The following BTBD9 variants were observed in gnomAD, a reference collection of about 807,000 sequenced individuals.
BTBD9 encodes the protein BTB domain containing 9.
A neutral mutation model predicts 64.3 loss-of-function variants in BTBD9; 49 were observed. The observed-to-expected ratio is 0.76, with a 90% CI of 0.61 to 0.97. The LOEUF (loss-of-function observed/expected upper bound fraction) is 0.97. BTBD9 is among the 50% of genes least tolerant of loss of function. BTBD9 has a pLI of 0.00. For synonymous variants in BTBD9, 260 were observed against 274.7 expected, an observed-to-expected ratio of 0.95 and a Z score of 0.53; for missense variants, 598 against 762.1, an observed-to-expected ratio of 0.78 and a Z score of 2.53.
chr6:38,419,483 T>G (rs573253275), intron 6 of BTBD9, among the ~76,000 whole-genome samples: 1 of 152,360 alleles, frequency 6.6e-6, no homozygotes, highest in East Asian at 1.9e-4. Flanking sequence ...GACCTGAAAC[T>G]TAAAATACAT....
At chr6:38,402,350 TTCATATGGAAAGAACCCAGAA>T (rs1223385580) in intron 6 of BTBD9, among the ~76,000 whole-genome samples, 1 of 151,936 alleles carries the variant, frequency 6.6e-6, no homozygotes, top group Non-Finnish European at 1.5e-5. Flanking sequence ...GATCCTAAAA[TTCATATGGAAAGAACCCAGAA>T]TAGCCAAAAC....
At chr6:38,436,159 A>T (rs1375822626) in intron 6 of BTBD9, among the ~76,000 whole-genome samples, 1 of 151,922 alleles carries the variant, frequency 6.6e-6, no homozygotes, top group Non-Finnish European at 1.5e-5. Flanking sequence ...CAATAAACGT[A>T]AAAAATGAAG....
At chr6:38,420,597 C>T (rs1767859000) in intron 6 of BTBD9, among the ~76,000 whole-genome samples, 1 of 152,038 alleles carries the variant, frequency 6.6e-6, no homozygotes, top group African/African-American at 2.4e-5. Context: ...GTGGCTCACA[C>T]CTGTAATCCC....
chr6:38,345,904 G>A (rs564474399), intron 6 of BTBD9, among the ~76,000 whole-genome samples: 11 of 152,160 alleles, frequency 7.2e-5, no homozygotes, highest in Non-Finnish European at 1.5e-4. Flanking sequence ...CTCTCCAAAG[G>A]GACCTGACAG....
intron 6 of BTBD9, among the ~76,000 whole-genome samples, chr6:38,393,295 G>T (rs1423229393): frequency 2.0e-5 from 3 of 152,204 alleles, no homozygotes; most frequent in Non-Finnish European, 4.4e-5. Flanking sequence ...TTGACTCTGG[G>T]TTCTGCATAT....
intron 10 of BTBD9, among the ~76,000 whole-genome samples, chr6:38,185,981 G>T (rs1761802228): frequency 6.6e-6 from 1 of 152,166 alleles, no homozygotes; most frequent in African/African-American, 2.4e-5. Context: ...ACAAGGCTGC[G>T]GTGACAGCAT....
At chr6:38,419,068 G>A (rs1334675269) in intron 6 of BTBD9, among the ~76,000 whole-genome samples, 4 of 152,230 alleles carry the variant, frequency 2.6e-5, no homozygotes, top group African/African-American at 9.7e-5. Context: ...AGACAGGCAG[G>A]CTAAAGATCA....
intron 1 of BTBD9, among the ~76,000 whole-genome samples, chr6:38,632,495 T>C (rs1389396125): frequency 6.6e-6 from 1 of 152,186 alleles, no homozygotes; most frequent in East Asian, 1.9e-4. Flanking sequence ...AGCTGGGAAA[T>C]CTCAGGTAAA....
chr6:38,203,178 T>C (rs1268221841), intron 9 of BTBD9, among the ~76,000 whole-genome samples: 1 of 152,112 alleles, frequency 6.6e-6, no homozygotes, highest in Admixed American at 6.6e-5. Context: ...ATAATAGATG[T>C]TGGTAAGAAT....
chr6:38,617,344 C>T (rs956920353), intron 1 of BTBD9, among the ~76,000 whole-genome samples: 2 of 152,186 alleles, frequency 1.3e-5, no homozygotes, highest in Non-Finnish European at 2.9e-5. Flanking sequence ...TCTATCCTGA[C>T]CCTTGCCTCC....
intron 10 of BTBD9, among the ~76,000 whole-genome samples, chr6:38,180,993 C>T (rs920585478): frequency 8.5e-5 from 13 of 152,214 alleles, no homozygotes; most frequent in African/African-American, 3.1e-4. Flanking sequence ...GTGTTCTTTT[C>T]CCCGTGAATC....
intron 6 of BTBD9, among the ~76,000 whole-genome samples, chr6:38,499,415 T>C (rs1582532393): frequency 6.6e-6 from 1 of 152,238 alleles, no homozygotes; most frequent in East Asian, 1.9e-4. Flanking sequence ...ACTTGTCATC[T>C]TGGGAACTTT....
chr6:38,378,525 G>A (rs9366959), intron 6 of BTBD9, among the ~76,000 whole-genome samples: 55,374 of 148,660 alleles, frequency 0.37, 12,349 homozygotes, highest in East Asian at 0.84. Context: ...ATGAGCCACC[G>A]CACCTGGCCC....
intron 6 of BTBD9, among the ~76,000 whole-genome samples, chr6:38,430,333 C>A (rs372467865): frequency 6.6e-6 from 1 of 151,226 alleles, no homozygotes; most frequent in South Asian, 2.1e-4. Flanking sequence ...GATCCTCTTG[C>A]CTAACCCTCC....
intron 9 of BTBD9, among the ~76,000 whole-genome samples, chr6:38,238,424 A>C (rs982517796): frequency 3.3e-5 from 5 of 152,086 alleles, no homozygotes; most frequent in African/African-American, 4.8e-5. Context: ...GTTATTATCA[A>C]CAGAAAGGAA....
At chr6:38,533,582 A>G (rs1196005453) in intron 6 of BTBD9, among the ~76,000 whole-genome samples, 1 of 152,230 alleles carries the variant, frequency 6.6e-6, no homozygotes, top group Non-Finnish European at 1.5e-5. Context: ...CAATGGCTGC[A>G]GAATACACAT....
chr6:38,506,242 G>A (rs1772507845), intron 6 of BTBD9, among the ~76,000 whole-genome samples: 2 of 152,110 alleles, frequency 1.3e-5, no homozygotes, highest in African/African-American at 4.8e-5. Context: ...AATATTGTAA[G>A]CCAAAAATGT....
At chr6:38,525,502 C>A (rs1773451278) in intron 6 of BTBD9, among the ~76,000 whole-genome samples, 1 of 152,152 alleles carries the variant, frequency 6.6e-6, no homozygotes, top group African/African-American at 2.4e-5. Flanking sequence ...CACTTTGGAA[C>A]TGGGTAACAG....
chr6:38,367,213 C>T (rs576692783), intron 6 of BTBD9, among the ~76,000 whole-genome samples: 58 of 152,312 alleles, frequency 3.8e-4, no homozygotes, highest in African/African-American at 1.3e-3. Flanking sequence ...CTATAATTTA[C>T]ATTAAAATAA....
Sources: gnomAD v4.1 joint callset for allele counts (sites outside exome capture counted in the v4.1 genomes callset) on GRCh38, gnomAD v4.1.1 for gene constraint, MANE v1.5 for transcripts, NCBI Gene and HGNC (gene_info 2026-07-23, HGNC 2026-07-21) for gene names.